The following SS18L1 variants were observed in gnomAD, a reference collection of about 807,000 sequenced individuals.
SS18L1 encodes SS18L1 subunit of BAF chromatin remodeling complex.
SS18L1 carries 32 observed loss-of-function variants against 70.3 expected under a neutral mutation model. The observed-to-expected ratio is 0.46, with a 90% CI of 0.34 to 0.61. The LOEUF is 0.61. Ranked by LOEUF, SS18L1 falls within the 20% of genes least tolerant of loss-of-function variation. The pLI is 0.01. For missense variants in SS18L1, 430 were observed against 542.1 expected (o/e 0.79, Z 2.05); for synonymous variants, 237 against 229.7 (o/e 1.03, Z -0.29).
intron 1 of SS18L1, among the ~76,000 whole-genome samples, chr20:62,146,869 C>A (rs961132348): frequency 2.0e-5 from 3 of 149,644 alleles, no homozygotes; most frequent in African/African-American, 7.6e-5. Context: ...TCTGCCCCCT[C>A]CCCCCCTTAG....
rs1353261491 is a variant in SS18L1, at chr20:62,159,911, C to T, written c.181C>T (p.Leu61=). The change falls in exon 3 of 11, where the codon CTG becomes TTG. Residue 61 remains leucine, a synonymous_variant. Transcript: ENST00000331758. This position sits in a 1 kb window ranked among gnomAD's most constrained non-coding sequence, Gnocchi z 4.4. ...QQILHRNLVY[L]ATIADSNQNM... ...GATCCTGCACCGGAACCTGGTATAC[C>T]TGGCCACGATCGCAGACTCCAACCA... is the stretch of plus-strand genomic sequence containing the variant. The T allele has an allele frequency of 6.2e-7, 1 of 1,612,576 alleles. No homozygotes were observed. The highest frequency in any genetic ancestry group is 8.5e-7 in the Non-Finnish European group (1 of 1,179,908).
At chr20:62,163,359 A>G (rs1419610406) in intron 5 of SS18L1, 99 bp from the exon 6 acceptor site, 11 of 1,549,642 alleles carry the variant, frequency 7.1e-6, no homozygotes, top group Non-Finnish European at 9.6e-6. Context: ...AGCACAGGAA[A>G]ATAACGAGGA....
chr20:62,156,432 C>T (rs374390085), intron 1 of SS18L1, among the ~76,000 whole-genome samples: 2 of 152,222 alleles, frequency 1.3e-5, no homozygotes, highest in Non-Finnish European at 2.9e-5. Context: ...CAGGATGGCT[C>T]CTCGGCCCCA....
intron 1 of SS18L1, among the ~76,000 whole-genome samples, chr20:62,144,482 A>C (rs2056986107): frequency 6.6e-6 from 1 of 152,140 alleles, no homozygotes. Context: ...ACGCGTCCCG[A>C]TCCCCATTTG....
intron 7 of SS18L1, among the ~76,000 whole-genome samples, chr20:62,165,142 A>G (rs900092791): frequency 1.3e-5 from 2 of 152,232 alleles, no homozygotes; most frequent in African/African-American, 4.8e-5. Flanking sequence ...CAGTCGGGTC[A>G]CTAGCATGGC....
Position 62,161,626 on chromosome 20 carries a change from A to T in SS18L1, c.376+46A>T, listed in dbSNP as rs771465646. 6.3e-7 allele frequency: 1 copy of T among 1,580,500 alleles called. No individual in the cohort carries two copies. The highest frequency in any genetic ancestry group is 8.6e-7 in the Non-Finnish European group (1 of 1,157,548). On this transcript the variant is annotated intron_variant, in intron 4 of 10. Coordinates refer to ENST00000331758, the MANE Select transcript of SS18L1 (RefSeq NM_198935.3). The surrounding 1 kb of genome is among the most constrained non-coding windows in gnomAD (Gnocchi z 4.4). Reference sequence around the variant, plus strand: ...GGACGTTCCTGGCTACGAGGCCACCAAGGCAGCCCTTGGGCAGCCGGCTGC... The same window carrying T: ...GGACGTTCCTGGCTACGAGGCCACCTAGGCAGCCCTTGGGCAGCCGGCTGC...
At chr20:62,143,993 G>A in intron 1 of SS18L1, 104 bp downstream of exon 1, 1 of 704,632 alleles carries the variant, frequency 1.4e-6, no homozygotes, top group Non-Finnish European at 1.7e-6. Flanking sequence ...AACAAAGCCG[G>A]GGCGCAGCCG....
At chr20:62,146,381 C>T (rs967690321) in intron 1 of SS18L1, among the ~76,000 whole-genome samples, 1 of 152,262 alleles carries the variant, frequency 6.6e-6, no homozygotes, top group Non-Finnish European at 1.5e-5. Flanking sequence ...TCAGTGGAAG[C>T]GTTTTGAGAT....
chr20:62,163,563 G>A lies in SS18L1; in HGVS notation c.662G>A (p.Ser221Asn), dbSNP rs769107245. 4 of 1,610,354 alleles carry A rather than the reference G, an allele frequency of 2.5e-6. No individual in the cohort carries two copies. The highest frequency in any genetic ancestry group is 2.2e-5 in the South Asian group (2 of 90,980). ...TCCATCGCCATGATGGGGCAGGGCA[G>A]CCAGGGGAGCAGCATGATGGGGCAG... The part of the protein sequence containing the change: ...QSSIAMMGQG[S>N]QGSSMMGQRP... Residue 221 changes from serine (S) to asparagine (N), a missense_variant, in exon 6 of 11, where the codon AGC becomes AAC. Coordinates refer to ENST00000331758, the MANE Select transcript of SS18L1 (RefSeq NM_198935.3).
In SS18L1 at chr20:62,158,524, C is replaced by T. The variant is rs1034421884; in HGVS notation, c.70-148C>T. ...AAACCGGTGGGTCTAATACAGATAT[C>T]CCCAAATCTGGAAAAATCTGAAATC... On this transcript the variant is annotated intron_variant, in intron 1 of 10. Coordinates refer to ENST00000331758, the MANE Select transcript of SS18L1 (RefSeq NM_198935.3). This position sits in a 1 kb window ranked among gnomAD's most constrained non-coding sequence, Gnocchi z 4.5. 7 of 1,320,718 alleles carry T rather than the reference C, an allele frequency of 5.3e-6. No individual in the cohort carries two copies. Among genetic ancestry groups the T allele is most frequent in the Admixed American group, 2.2e-5 (1 of 45,570 alleles). The allele number at this position is 1,320,718 out of a possible 1,614,324, so 81.8% of individuals were successfully genotyped here.
intron 6 of SS18L1, 97 bp from the exon 7 acceptor site, chr20:62,164,048 G>A: frequency 9.2e-7 from 1 of 1,084,924 alleles, no homozygotes; most frequent in South Asian, 1.5e-5. Flanking sequence ...GGTGGGTGAG[G>A]CCATTCAGCA....
At chr20:62,163,756 T>C in intron 6 of SS18L1, 134 bp downstream of exon 6, 2 of 1,268,812 alleles carry the variant, frequency 1.6e-6, no homozygotes, top group Non-Finnish European at 2.1e-6. Context: ...CTTGGCGCCT[T>C]GGTGTTAACA....
chr20:62,154,059 G>C (rs983609252), intron 1 of SS18L1, among the ~76,000 whole-genome samples: 1 of 152,182 alleles, frequency 6.6e-6, no homozygotes, highest in Non-Finnish European at 1.5e-5. Context: ...CCAAATGCTT[G>C]AACGTGACTT....
intron 10 of SS18L1, chr20:62,175,537 C>A (rs1048582431): frequency 2.7e-6 from 2 of 743,810 alleles, no homozygotes; most frequent in African/African-American, 3.8e-5. Context: ...GAGCACAGGG[C>A]ATATGAAGGA....
At chr20:62,168,593 A>C (rs1451833084) in intron 8 of SS18L1, among the ~76,000 whole-genome samples, 4 of 152,068 alleles carry the variant, frequency 2.6e-5, no homozygotes, top group Non-Finnish European at 5.9e-5. Flanking sequence ...GCCAGGGCAG[A>C]GGATCACGTG....
chr20:62,151,818 C>T, intron 1 of SS18L1, among the ~76,000 whole-genome samples: 1 of 149,602 alleles, frequency 6.7e-6, no homozygotes, highest in East Asian at 2.1e-4. Flanking sequence ...CCCCTCTTTT[C>T]CCGCTCCCCA....
At position 62,174,351 on chromosome 20, in the gene SS18L1, GC is replaced by G. The variant is rs11204462; in HGVS notation, c.1037-164del. Among the ~76,000 whole-genome samples the G allele has an allele frequency of 0.27, 41,219 of 152,008 alleles. 10,654 individuals are homozygous for G. The highest frequency in any genetic ancestry group is 0.68 in the African/African-American group (28,284 of 41,372). ...TCTCGCTGTACAGAGTTAACGTGGA[GC>G]CACGTGCAGGTGCCAGGTGTTCTGG... On this transcript the variant is annotated intron_variant, in intron 9 of 10. Coordinates refer to ENST00000331758, the MANE Select transcript of SS18L1 (RefSeq NM_198935.3). This position sits in a 1 kb window ranked among gnomAD's most constrained non-coding sequence, Gnocchi z 4.1.
At chr20:62,162,339 C>T (rs1045678731) in intron 4 of SS18L1, among the ~76,000 whole-genome samples, 27 of 151,884 alleles carry the variant, frequency 1.8e-4, no homozygotes, top group Admixed American at 1.5e-3. Context: ...TCGCTCTAGT[C>T]GGCCAGGCTG....
chr20:62,158,171 A>G lies in SS18L1; in HGVS notation c.70-501A>G, dbSNP rs2057257311. Among the ~76,000 whole-genome samples the G allele has an allele frequency of 6.6e-6, 1 of 151,980 alleles. No individual in the cohort carries two copies. The highest frequency in any genetic ancestry group is 1.5e-5 in the Non-Finnish European group (1 of 67,994). ...GGCTTGGCTGACCCTTGCTGCACAGATGCTCTGCCGTCAAGGGCCCTGGAA... is the reference window on the plus strand; with the variant it reads ...GGCTTGGCTGACCCTTGCTGCACAGGTGCTCTGCCGTCAAGGGCCCTGGAA... On this transcript the variant is annotated intron_variant, in intron 1 of 10. Transcript: ENST00000331758. The surrounding 1 kb of genome is among the most constrained non-coding windows in gnomAD (Gnocchi z 4.5).
Sources: gnomAD v4.1 joint callset for allele counts (sites outside exome capture counted in the v4.1 genomes callset) on GRCh38, gnomAD v4.1.1 for gene constraint, Gnocchi (gnomAD v3.1) non-coding constraint, MANE v1.5 for transcripts, NCBI Gene and HGNC (gene_info 2026-07-23, HGNC 2026-07-21) for gene names.